Variants in ITPR2 observed in about 807,000 individuals in gnomAD.
ITPR2 encodes inositol 1,4,5-trisphosphate receptor type 2.
In ITPR2, 207 loss-of-function variants were observed where a neutral mutation model predicts 317.1. The observed-to-expected ratio is 0.65, with a 90% CI of 0.58 to 0.73. The LOEUF is 0.73. Ranked by LOEUF, ITPR2 falls within the 30% of genes least tolerant of loss-of-function variation. The probability of loss-of-function intolerance (pLI) is 0.00; values close to 1 mark genes in which losing one functional copy is unlikely to be tolerated. For synonymous variants in ITPR2, 1,156 were observed against 1,149.1 expected, an observed-to-expected ratio of 1.01 and a Z score of -0.12; for missense variants, 2,613 against 3,284.0, an observed-to-expected ratio of 0.80 and a Z score of 4.99.
In ITPR2 at chr12:26,338,675, A is replaced by T. The variant is rs1938004901; in HGVS notation, c.*722T>A. 2 of 152,218 alleles carry T rather than the reference A, an allele frequency of 1.3e-5. No homozygotes were observed. 9.4% of individuals were successfully genotyped at this position (152,218 alleles called of 1,614,324 possible). The stretch of plus-strand genomic sequence containing the variant: ...TAAAATCTTAGCCTATACATGACTT[A>T]GAACATGTTTTTAACAAGTTATATG... On this transcript the variant is annotated 3_prime_UTR_variant, in exon 57 of 57. Coordinates refer to ENST00000381340, the MANE Select transcript of ITPR2 (RefSeq NM_002223.4).
chr12:26,344,097 C>T (rs1490771764), intron 55 of ITPR2, among the ~76,000 whole-genome samples: 4 of 152,040 alleles, frequency 2.6e-5, no homozygotes, highest in Non-Finnish European at 5.9e-5. Flanking sequence ...ACTTTCCATC[C>T]TATGATGATG....
At chr12:26,398,656 A>C (rs1199935003) in intron 54 of ITPR2, among the ~76,000 whole-genome samples, 2 of 152,246 alleles carry the variant, frequency 1.3e-5, no homozygotes, top group Non-Finnish European at 2.9e-5. Flanking sequence ...AATCATGTAA[A>C]TCACAGAAAT....
intron 13 of ITPR2, among the ~76,000 whole-genome samples, chr12:26,673,012 A>C (rs1436250010): frequency 6.6e-6 from 1 of 152,086 alleles, no homozygotes; most frequent in East Asian, 1.9e-4. Context: ...AGAAGCTCTG[A>C]ATAGACCAAT....
intron 26 of ITPR2, among the ~76,000 whole-genome samples, chr12:26,609,780 C>G (rs1946222625): frequency 6.6e-6 from 1 of 152,096 alleles, no homozygotes; most frequent in Non-Finnish European, 1.5e-5. Flanking sequence ...ATAACACATT[C>G]TGGAAGTATA....
intron 41 of ITPR2, among the ~76,000 whole-genome samples, chr12:26,485,552 T>C (rs1942646464): frequency 6.6e-6 from 1 of 152,212 alleles, no homozygotes; most frequent in South Asian, 2.1e-4. Flanking sequence ...CAATCCTAAG[T>C]TCATTTATCT....
chr12:26,620,311 T>G (rs144806986), intron 26 of ITPR2, among the ~76,000 whole-genome samples: 3 of 152,346 alleles, frequency 2.0e-5, no homozygotes, highest in African/African-American at 7.2e-5. Context: ...TCAGAAGCAT[T>G]TTGATTAATT....
chr12:26,580,534 G>A (rs980779059), intron 32 of ITPR2, among the ~76,000 whole-genome samples: 1 of 152,178 alleles, frequency 6.6e-6, no homozygotes, highest in Non-Finnish European at 1.5e-5. Context: ...CTAAGTGTAA[G>A]AAAGGTGATT....
intron 37 of ITPR2, among the ~76,000 whole-genome samples, chr12:26,499,291 T>C (rs1195887020): frequency 2.0e-5 from 3 of 152,234 alleles, no homozygotes; most frequent in African/African-American, 4.8e-5. Context: ...AACACTCTTC[T>C]TATTCAATTA....
At chr12:26,520,065 CT>C (rs1943623516) in intron 37 of ITPR2, among the ~76,000 whole-genome samples, 1 of 152,160 alleles carries the variant, frequency 6.6e-6, no homozygotes, top group Admixed American at 6.5e-5. Context: ...AGAAACTATT[CT>C]TGTTACATTT....
intron 37 of ITPR2, among the ~76,000 whole-genome samples, chr12:26,512,120 A>C (rs896525726): frequency 5.3e-5 from 8 of 152,016 alleles, no homozygotes; most frequent in Non-Finnish European, 1.2e-4. Context: ...GGGAAAATCA[A>C]GCTGGGAACT....
chr12:26,611,594 C>A (rs1049178748), intron 26 of ITPR2, among the ~76,000 whole-genome samples: 1 of 151,886 alleles, frequency 6.6e-6, no homozygotes, highest in African/African-American at 2.4e-5. Context: ...AGCTGGCAAC[C>A]ATATATAGGT....
At chr12:26,376,885 T>C (rs888667128) in intron 55 of ITPR2, among the ~76,000 whole-genome samples, 2 of 152,034 alleles carry the variant, frequency 1.3e-5, no homozygotes, top group Admixed American at 6.6e-5. Flanking sequence ...TGTGCAACCA[T>C]GCCCAGCTAA....
At chr12:26,812,420 T>C (rs1307036326) in intron 1 of ITPR2, among the ~76,000 whole-genome samples, 1 of 150,562 alleles carries the variant, frequency 6.6e-6, no homozygotes, top group Non-Finnish European at 1.5e-5. Context: ...CTACTAAAAA[T>C]ACAAACAAAT....
At chr12:26,533,704 C>A (rs1473087502) in intron 37 of ITPR2, among the ~76,000 whole-genome samples, 1 of 152,058 alleles carries the variant, frequency 6.6e-6, no homozygotes, top group Non-Finnish European at 1.5e-5. Context: ...TATGAAGACA[C>A]AAGGAGAGGG....
intron 35 of ITPR2, 58 bp from the exon 36 acceptor site, chr12:26,556,433 G>A (rs935239626): frequency 2.1e-5 from 33 of 1,535,766 alleles, no homozygotes; most frequent in Non-Finnish European, 2.8e-5. Context: ...TTCATCTTTC[G>A]AAGATAAGAC....
In ITPR2 at chr12:26,716,210, A is replaced by G; in HGVS notation, c.558T>C (p.Pro186=). ...IVVGDKVVLM[P]VNAGQPLHAS... is the part of the protein sequence containing the mutation. ...CATGTAGTGGCTGCCCTGCATTCAC[A>G]GGCATCAAAACAACTTTATCTCCTA... Residue 186 remains proline, a synonymous_variant, in exon 6 of 57, where the codon CCT becomes CCC. Coordinates refer to ENST00000381340, the MANE Select transcript of ITPR2 (RefSeq NM_002223.4). 6.2e-7 allele frequency: 1 copy of G among 1,613,032 alleles called. No homozygotes were observed. The highest frequency in any genetic ancestry group is 8.5e-7 in the Non-Finnish European group (1 of 1,179,250).
At chr12:26,725,967 C>A in intron 2 of ITPR2, 1 of 438,224 alleles carries the variant, frequency 2.3e-6, no homozygotes, top group Non-Finnish European at 4.0e-6. Flanking sequence ...AAAATATCCA[C>A]TTCTTCATTA....
At chr12:26,682,778 A>G in intron 11 of ITPR2, 105 bp from the exon 12 acceptor site, 1 of 659,942 alleles carries the variant, frequency 1.5e-6, no homozygotes, top group Non-Finnish European at 2.6e-6. Flanking sequence ...ATACATATTA[A>G]CTAGTAATTG....
At chr12:26,437,066 GAATACAGTTTACATTAACCAAA>G (rs1314040664) in intron 47 of ITPR2, among the ~76,000 whole-genome samples, 7 of 152,090 alleles carry the variant, frequency 4.6e-5, no homozygotes, top group African/African-American at 1.7e-4. Context: ...TACATCAATC[GAATACAGTTTACATTAACCAAA>G]AATCAGTTCT....
Sources: gnomAD v4.1 joint callset for allele counts (sites outside exome capture counted in the v4.1 genomes callset) on GRCh38, gnomAD v4.1.1 for gene constraint, MANE v1.5 for transcripts, NCBI Gene and HGNC (gene_info 2026-07-23, HGNC 2026-07-21) for gene names.